Variants in SLC14A2 observed in about 807,000 individuals in gnomAD.
SLC14A2 encodes urea transporter 2.
Under a neutral mutation model 104.6 loss-of-function variants are expected in SLC14A2, and 91 were observed. That is an observed-to-expected ratio of 0.87 (90% confidence interval 0.73 to 1.04). The LOEUF (loss-of-function observed/expected upper bound fraction) is 1.04. Ranked by LOEUF, SLC14A2 falls within the 50% of genes least tolerant of loss-of-function variation. The probability of loss-of-function intolerance (pLI) is 0.00; values close to 1 mark genes in which losing one functional copy is unlikely to be tolerated. For synonymous variants in SLC14A2, 476 were observed against 466.4 expected (o/e 1.02, Z -0.27); for missense variants, 1,189 against 1,156.0 (o/e 1.03, Z -0.41).
At chr18:45,229,026 G>A (rs10502862) in intron 1 of SLC14A2, among the ~76,000 whole-genome samples, 37,323 of 152,054 alleles carry the variant, frequency 0.25, 4,906 homozygotes, top group African/African-American at 0.34. Context: ...GTATCCAAAG[G>A]CCCTCTCCAA....
chr18:45,622,602 G>A (rs954122547), intron 1 of SLC14A2, among the ~76,000 whole-genome samples: 11 of 152,180 alleles, frequency 7.2e-5, no homozygotes, highest in Non-Finnish European at 1.6e-4. Flanking sequence ...CCAGGGCTGA[G>A]AAGAGGGCCC....
intron 1 of SLC14A2, among the ~76,000 whole-genome samples, chr18:45,213,819 G>C (rs2083983290): frequency 6.6e-6 from 1 of 152,144 alleles, no homozygotes; most frequent in Non-Finnish European, 1.5e-5. Context: ...ACAATTTGGG[G>C]GAAAGTATCA....
At chr18:45,394,108 T>G (rs1399942776) in intron 1 of SLC14A2, among the ~76,000 whole-genome samples, 1 of 152,238 alleles carries the variant, frequency 6.6e-6, no homozygotes, top group Non-Finnish European at 1.5e-5. Flanking sequence ...CATTGATTAC[T>G]TTGCTGTACT....
At chr18:45,502,719 A>G (rs981237715) in intron 2 of SLC14A2, among the ~76,000 whole-genome samples, 1 of 152,204 alleles carries the variant, frequency 6.6e-6, no homozygotes, top group African/African-American at 2.4e-5. Flanking sequence ...TAGTCAATGT[A>G]ATAAAGTTTA....
rs116558842 is a variant in SLC14A2 at position 45,535,976 on chromosome 18, C to T, written c.-35+52654C>T. On this transcript the variant is annotated intron_variant, in intron 2 of 20. Transcript: ENST00000586448. Reference sequence around the variant, plus strand: ...AGTAAAGATAAATAGATGAGATGGACTGTCAACATCTTAAGCCAATAGGAT... The same window carrying T: ...AGTAAAGATAAATAGATGAGATGGATTGTCAACATCTTAAGCCAATAGGAT... Among the ~76,000 whole-genome samples the T allele has an allele frequency of 9.0e-3, 1,378 of 152,308 alleles. 19 individuals carry two copies. Among genetic ancestry groups the T allele is most frequent in the African/African-American group, 0.031 (1,306 of 41,558 alleles).
intron 1 of SLC14A2, among the ~76,000 whole-genome samples, chr18:45,481,680 A>G (rs2087495902): frequency 6.6e-6 from 1 of 151,810 alleles, no homozygotes; most frequent in African/African-American, 2.4e-5. Context: ...TGTGCAACTG[A>G]AAAAAAACAG....
chr18:45,581,716 G>C (rs2044494903), intron 2 of SLC14A2, among the ~76,000 whole-genome samples: 1 of 152,178 alleles, frequency 6.6e-6, no homozygotes, highest in Admixed American at 6.5e-5. Flanking sequence ...GTCAATGTTA[G>C]CTGTGTTGTT....
intron 2 of SLC14A2, among the ~76,000 whole-genome samples, chr18:45,501,678 C>T (rs556795381): frequency 2.0e-5 from 3 of 152,182 alleles, no homozygotes; most frequent in East Asian, 1.9e-4. Context: ...AGTCAAGGTC[C>T]GATAATGAAT....
At chr18:45,673,187 G>T in intron 17 of SLC14A2, 140 bp downstream of exon 17, 1 of 837,328 alleles carries the variant, frequency 1.2e-6, no homozygotes, top group South Asian at 1.8e-5. Flanking sequence ...CTGTTTCTCC[G>T]TTTTTGATCT....
intron 2 of SLC14A2, among the ~76,000 whole-genome samples, chr18:45,572,906 G>A (rs1305743292): frequency 3.3e-5 from 5 of 152,156 alleles, no homozygotes; most frequent in South Asian, 2.1e-4. Context: ...GGATGAGTAC[G>A]TAATAAATTA....
At chr18:45,227,945 G>T (rs1188154212) in intron 1 of SLC14A2, among the ~76,000 whole-genome samples, 2 of 152,178 alleles carry the variant, frequency 1.3e-5, no homozygotes, top group African/African-American at 2.4e-5. Flanking sequence ...GGAAAAAAAG[G>T]TTCTAAATTC....
rs1257929778 is a variant in SLC14A2, at chr18:45,669,488, A to G, written c.2219A>G (p.Gln740Arg). The G allele has an allele frequency of 2.5e-6, 4 of 1,613,266 alleles. No homozygotes were observed. The highest frequency in any genetic ancestry group is 3.4e-6 in the Non-Finnish European group (4 of 1,179,472). Residue 740 changes from glutamine (Q) to arginine (R), a missense_variant, in exon 16 of 20, where the codon CAA becomes CGA. Coordinates refer to ENST00000255226, the MANE Select transcript of SLC14A2 (RefSeq NM_007163.4). ...CCCAACATCACCTGGTCAGAGGTCC[A>G]AGTGCCCTTGGTACGTATCATGGAA... Reference protein sequence around the residue: ...AMPNITWSEVQVPLLLRAIPV... With the variant: ...AMPNITWSEVRVPLLLRAIPV...
intron 1 of SLC14A2, among the ~76,000 whole-genome samples, chr18:45,243,954 C>A (rs1003800189): frequency 1.3e-5 from 2 of 152,026 alleles, no homozygotes; most frequent in African/African-American, 4.8e-5. Flanking sequence ...TTATGGTATT[C>A]GGGGTAGATT....
At position 45,223,844 on chromosome 18, in the gene SLC14A2, C is replaced by T. The variant is rs142317043; in HGVS notation, c.-125+10653C>T. On this transcript the variant is annotated intron_variant, in intron 1 of 20. Transcript: ENST00000586448. ...TAGACTCTTCTGAGCTGAAGTTGAG[C>T]TCTCTGGGGCAACTCCAGGGAAACA... Among the ~76,000 whole-genome samples, 458 of 152,304 alleles carry T rather than the reference C, an allele frequency of 3.0e-3. 3 individuals are homozygous for T. Among genetic ancestry groups the T allele is most frequent in the African/African-American group, 0.01 (427 of 41,562 alleles).
intron 1 of SLC14A2, among the ~76,000 whole-genome samples, chr18:45,266,579 A>G (rs1406816204): frequency 6.6e-6 from 1 of 152,276 alleles, no homozygotes; most frequent in East Asian, 1.9e-4. Context: ...TCCCTTAAAA[A>G]AAATCAAGTT....
In SLC14A2 at chr18:45,677,966, A is replaced by C. The variant is rs537113411; in HGVS notation, c.2513-1009A>C. Among the ~76,000 whole-genome samples, 12 of 152,226 alleles carry C rather than the reference A, an allele frequency of 7.9e-5. No homozygotes were observed. The South Asian group carries it at 8.3e-4, about 11-fold the overall frequency. On this transcript the variant is annotated intron_variant, in intron 18 of 19. Transcript: ENST00000255226. ...CCCAAGTAGCTGAGATTACAGGCAC[A>C]TGCCACCACACCCAGCTAATGTTTT...
intron 10 of SLC14A2, among the ~76,000 whole-genome samples, chr18:45,655,278 G>A (rs1188173813): frequency 2.0e-5 from 3 of 152,180 alleles, no homozygotes; most frequent in Admixed American, 6.5e-5. Flanking sequence ...ATCAGAGAAT[G>A]GACAGCCTTG....
chr18:45,372,709 A>G (rs1291014649), intron 1 of SLC14A2, among the ~76,000 whole-genome samples: 1 of 152,178 alleles, frequency 6.6e-6, no homozygotes, highest in Non-Finnish European at 1.5e-5. Flanking sequence ...TAATCCATGG[A>G]CTGCACCTAA....
At chr18:45,394,718 G>T (rs1299939677) in intron 1 of SLC14A2, among the ~76,000 whole-genome samples, 2 of 151,962 alleles carry the variant, frequency 1.3e-5, no homozygotes, top group East Asian at 1.9e-4. Context: ...TTTTGTTGTT[G>T]TTGTTGAGTT....
Sources: allele counts gnomAD v4.1 joint callset (sites outside exome capture counted in the v4.1 genomes callset), GRCh38; gene constraint gnomAD v4.1.1; transcripts MANE v1.5; gene names NCBI Gene and HGNC (gene_info 2026-07-23, HGNC 2026-07-21).